Variants in MRPL3 observed in about 807,000 individuals in gnomAD.
MRPL3 encodes the protein large ribosomal subunit protein uL3m.
MRPL3 carries 43 observed loss-of-function variants against 44.3 expected under a neutral mutation model. That is an observed-to-expected ratio of 0.97 (90% CI 0.76 to 1.25). MRPL3 has a LOEUF of 1.25. Ranked by LOEUF, MRPL3 falls within the 50% of genes most tolerant of loss-of-function variation. The probability of loss-of-function intolerance (pLI) is 0.00; values close to 1 mark genes in which losing one functional copy is unlikely to be tolerated. For missense variants in MRPL3, 406 were observed against 427.6 expected (o/e 0.95, Z 0.45); for synonymous variants, 171 against 152.3 (o/e 1.12, Z -0.91).
chr3:131,491,721 AC>A (rs1934260044), intron 4 of MRPL3, among the ~76,000 whole-genome samples: 1 of 151,556 alleles, frequency 6.6e-6, no homozygotes, highest in African/African-American at 2.4e-5. Flanking sequence ...ACCACTTACC[AC>A]CCCATCCCAA....
intron 4 of MRPL3, among the ~76,000 whole-genome samples, chr3:131,490,824 T>C (rs1934239731): frequency 6.6e-6 from 1 of 152,222 alleles, no homozygotes; most frequent in Admixed American, 6.5e-5. Context: ...GTAATTTCAC[T>C]GTCTAGTGTG....
intron 4 of MRPL3, among the ~76,000 whole-genome samples, chr3:131,496,721 C>G (rs778109290): frequency 1.3e-5 from 2 of 152,188 alleles, no homozygotes; most frequent in Non-Finnish European, 2.9e-5. Context: ...CTCCCCTGAT[C>G]TCTTAAAACA....
chr3:131,465,233 T>C (rs1933574394), intron 9 of MRPL3, among the ~76,000 whole-genome samples: 1 of 152,228 alleles, frequency 6.6e-6, no homozygotes, highest in Admixed American at 6.5e-5. Flanking sequence ...GTTTCAGAAC[T>C]CTTTGGTGTA....
Position 131,468,120 on chromosome 3 carries a change from C to T in MRPL3, c.865G>A (p.Val289Ile). The change falls in exon 9 of 10, where the codon GTA becomes ATA. Residue 289 changes from valine to isoleucine, a missense_variant. Val to Ile is a conservative substitution (Grantham distance 29, BLOSUM62 3). Coordinates refer to ENST00000264995, the MANE Select transcript of MRPL3 (RefSeq NM_007208.4). ...KHNIIYVNGSVPGHKNCLVKV... is the reference protein window; with the variant it reads ...KHNIIYVNGSIPGHKNCLVKV... ...ACTAAGCAATTTTTATGTCCAGGTACAGAGCCATTTACATAGATTATGTTG... is the reference window on the plus strand; with the variant it reads ...ACTAAGCAATTTTTATGTCCAGGTATAGAGCCATTTACATAGATTATGTTG... The T allele has an allele frequency of 2.5e-6, 4 of 1,591,512 alleles. No individual in the cohort carries two copies. Among genetic ancestry groups the T allele is most frequent in the Non-Finnish European group, 3.4e-6 (4 of 1,171,178 alleles).
intron 9 of MRPL3, among the ~76,000 whole-genome samples, chr3:131,466,778 G>A (rs1003931746): frequency 1.3e-5 from 2 of 151,706 alleles, no homozygotes; most frequent in African/African-American, 4.8e-5. Context: ...AATATACATT[G>A]TATAATGATA....
At chr3:131,462,898 G>C (rs1933523512) in intron 9 of MRPL3, 23 bp from the exon 10 acceptor site, 6 of 1,592,222 alleles carry the variant, frequency 3.8e-6, no homozygotes, top group Non-Finnish European at 5.1e-6. Flanking sequence ...AAAAATCTTA[G>C]TGAAACCAAT....
chr3:131,496,202 A>G (rs998840366), intron 4 of MRPL3, among the ~76,000 whole-genome samples: 2 of 152,246 alleles, frequency 1.3e-5, no homozygotes, highest in Admixed American at 1.3e-4. Flanking sequence ...GCATCTATCA[A>G]ACCAAAGAAT....
chr3:131,465,510 G>GT (rs1457789603), intron 9 of MRPL3, among the ~76,000 whole-genome samples: 1 of 152,124 alleles, frequency 6.6e-6, no homozygotes, highest in East Asian at 1.9e-4. Context: ...GCAATTAATG[G>GT]TAAGGTTCAG....
chr3:131,489,241 T>C (rs977697278), intron 5 of MRPL3, among the ~76,000 whole-genome samples: 3 of 152,146 alleles, frequency 2.0e-5, no homozygotes, highest in Non-Finnish European at 4.4e-5. Context: ...TTTGTTTAAT[T>C]CCATTTACCT....
intron 4 of MRPL3, among the ~76,000 whole-genome samples, chr3:131,491,328 A>G (rs1934251549): frequency 6.6e-6 from 1 of 152,104 alleles, no homozygotes; most frequent in Admixed American, 6.5e-5. Flanking sequence ...AACACAGGTG[A>G]CCACTCTCTC....
Position 131,490,077 on chromosome 3 carries a change from C to G in MRPL3, c.472G>C (p.Ala158Pro). Residue 158 changes from alanine to proline, a missense_variant, in exon 5 of 10, where the codon GCT (alanine) becomes CCT (proline). Physicochemically the swap from Ala to Pro is conservative, Grantham distance 27 (BLOSUM62 -1). Transcript: ENST00000264995. ...CGGTAAAATTCCAATATGGATGTAG[C>G]TTTCTAGAGGAAAAGCAGCACATAT... is the stretch of plus-strand genomic sequence containing the variant. ...GGKTVSRFRK[A>P]TSILEFYREL... The G allele has an allele frequency of 6.2e-7, 1 of 1,600,146 alleles. No individual in the cohort carries two copies. The highest frequency in any genetic ancestry group is 8.6e-7 in the Non-Finnish European group (1 of 1,167,762).
intron 6 of MRPL3, among the ~76,000 whole-genome samples, chr3:131,476,325 C>T (rs1386649407): frequency 6.6e-6 from 1 of 152,016 alleles, no homozygotes; most frequent in African/African-American, 2.4e-5. Context: ...ACCTGTTGAT[C>T]CATGGGAGGT....
In MRPL3 at chr3:131,500,255, G is replaced by C. The variant is rs189186733; in HGVS notation, c.369+175C>G. 2.3e-3 allele frequency among the ~76,000 whole-genome samples: 345 copies of C among 152,326 alleles called. 3 individuals carry two copies. The highest frequency in any genetic ancestry group is 4.0e-3 in the Non-Finnish European group (273 of 68,022). ...TATCAGAAGGCCACTGCTCAGGCAAGAGTGAGAACATTCCTGAAACCACCA... is the reference window on the plus strand; with the variant it reads ...TATCAGAAGGCCACTGCTCAGGCAACAGTGAGAACATTCCTGAAACCACCA... On this transcript the variant is annotated intron_variant, in intron 3 of 9. Transcript: ENST00000264995.
intron 6 of MRPL3, among the ~76,000 whole-genome samples, chr3:131,479,664 T>C (rs1248387774): frequency 6.6e-6 from 1 of 152,078 alleles, no homozygotes; most frequent in East Asian, 1.9e-4. Context: ...GATAACACGG[T>C]GAAACCCCGT....
Position 131,469,715 on chromosome 3 carries a change from C to T in MRPL3, c.797G>A (p.Arg266Lys), listed in dbSNP as rs746689519. Residue 266 changes from arginine (R) to lysine (K), a missense_variant, in exon 8 of 10, where the codon AGG (arginine) becomes AAG (lysine). Physicochemically the swap from Arg to Lys is conservative, Grantham distance 26 (BLOSUM62 2). Coordinates refer to ENST00000264995, the MANE Select transcript of MRPL3 (RefSeq NM_007208.4). ...KMPGKMGNIYRTEYGLKVWRI... is the reference protein window; with the variant it reads ...KMPGKMGNIYKTEYGLKVWRI... ...ACTTACTTTCAGTCCATATTCTGTCCTGTATATGTTTCCCATTTTTCCAGG... is the reference window on the plus strand; with the variant it reads ...ACTTACTTTCAGTCCATATTCTGTCTTGTATATGTTTCCCATTTTTCCAGG... 3.1e-6 allele frequency: 5 copies of T among 1,611,758 alleles called. No individual in the cohort carries two copies. The East Asian group carries it at 1.1e-4, about 36-fold the overall frequency.
intron 4 of MRPL3, chr3:131,497,925 A>G (rs1934403596): frequency 4.3e-6 from 2 of 462,626 alleles, no homozygotes; most frequent in Non-Finnish European, 7.6e-6. Context: ...TTCCCATTGT[A>G]CAGATATACA....
Position 131,498,227 on chromosome 3 carries a change from T to G in MRPL3, c.420A>C (p.Gly140=). Residue 140 remains glycine, a synonymous_variant, in exon 4 of 10, where the codon GGA becomes GGC. Transcript: ENST00000264995. ...CTCCTACAGACAGGGTTGCCATTTTTCCATTACAGTTTTCCTTTGACGTAT... is the reference window on the plus strand; with the variant it reads ...CTCCTACAGACAGGGTTGCCATTTTGCCATTACAGTTTTCCTTTGACGTAT... The part of the protein sequence containing the change: ...LKYTSKENCN[G]KMATLSVGGK... 6.2e-7 allele frequency: 1 copy of G among 1,612,932 alleles called. No homozygotes were observed. Among genetic ancestry groups the G allele is most frequent in the Non-Finnish European group, 8.5e-7 (1 of 1,178,928 alleles).
At chr3:131,492,451 T>G (rs1251951148) in intron 4 of MRPL3, among the ~76,000 whole-genome samples, 2 of 152,144 alleles carry the variant, frequency 1.3e-5, no homozygotes, top group Non-Finnish European at 2.9e-5. Context: ...GGTTTCAGAA[T>G]GAAACTGTTC....
At chr3:131,483,323 T>G (rs778872546) in intron 6 of MRPL3, among the ~76,000 whole-genome samples, 1 of 152,192 alleles carries the variant, frequency 6.6e-6, no homozygotes, top group Non-Finnish European at 1.5e-5. Context: ...TTACATAAAC[T>G]ACCATATTTC....
Sources: allele counts gnomAD v4.1 joint callset (sites outside exome capture counted in the v4.1 genomes callset), GRCh38; gene constraint gnomAD v4.1.1; transcripts MANE v1.5; gene names NCBI Gene and HGNC (gene_info 2026-07-23, HGNC 2026-07-21).